MAPKAP1: variants seen among roughly 807,000 people sequenced by gnomAD.
MAPKAP1 encodes target of rapamycin complex 2 subunit MAPKAP1.
A neutral mutation model predicts 65.7 loss-of-function variants in MAPKAP1; 20 were observed. The ratio of observed to expected loss-of-function variants is 0.30; its 90% CI spans 0.21 to 0.44. The LOEUF (loss-of-function observed/expected upper bound fraction) is 0.44. Ranked by LOEUF, MAPKAP1 falls within the 20% of genes least tolerant of loss-of-function variation. The probability of loss-of-function intolerance (pLI) is 1.00; values close to 1 mark genes in which losing one functional copy is unlikely to be tolerated. For synonymous variants in MAPKAP1, 222 were observed against 244.3 expected (o/e 0.91, Z 0.85); for missense variants, 423 against 648.0 (o/e 0.65, Z 3.77).
Position 125,580,650 on chromosome 9 carries a change from G to A in MAPKAP1, c.671+4905C>T, listed in dbSNP as rs144479721. On this transcript the variant is annotated intron_variant, in intron 5 of 11. Coordinates refer to ENST00000265960, the MANE Select transcript of MAPKAP1 (RefSeq NM_001006617.3). ...GTATACATATGTAACAAACCTGCAC[G>A]TTGTGCACATGTACCCTAGAACTTA... 4.3e-3 allele frequency among the ~76,000 whole-genome samples: 649 copies of A among 151,012 alleles called. 6 individuals are homozygous for A. Among genetic ancestry groups the A allele is most frequent in the African/African-American group, 0.015 (606 of 41,162 alleles).
intron 1 of MAPKAP1, among the ~76,000 whole-genome samples, chr9:125,693,768 TACAC>T (rs1835289480): frequency 6.7e-6 from 1 of 149,906 alleles, no homozygotes; most frequent in Non-Finnish European, 1.5e-5. Context: ...TACACGTATA[TACAC>T]ATATATACAC....
rs539302627 is a variant in MAPKAP1, at chr9:125,672,389, C to T, written c.186G>A (p.Gln62=). 1.2e-6 allele frequency: 2 copies of T among 1,614,212 alleles called. No individual in the cohort carries two copies. Among genetic ancestry groups the T allele is most frequent in the Admixed American group, 1.7e-5 (1 of 60,020 alleles). The change falls in exon 2 of 12, where the codon CAG becomes CAA. Residue 62 remains glutamine, a synonymous_variant. Transcript: ENST00000265960. ...SEIQGSNGET[Q]GYVYAQSVDI... is the part of the protein sequence containing the mutation. ...CGACTGACTGGGCATATACATAGCC[C>T]TGAGTCTCACCATTGCTTCCCTGAA...
At chr9:125,551,108 A>G (rs1830571518) in intron 6 of MAPKAP1, among the ~76,000 whole-genome samples, 1 of 152,202 alleles carries the variant, frequency 6.6e-6, no homozygotes, top group African/African-American at 2.4e-5. Context: ...TAAATGATAA[A>G]AAAAGAAATA....
chr9:125,650,124 C>G (rs1245397946), intron 4 of MAPKAP1, among the ~76,000 whole-genome samples: 1 of 152,206 alleles, frequency 6.6e-6, no homozygotes, highest in Non-Finnish European at 1.5e-5. Context: ...CTCTCGAATT[C>G]ATTCACTCCA....
chr9:125,488,295 G>T (rs1332981517), intron 8 of MAPKAP1, among the ~76,000 whole-genome samples: 2 of 152,176 alleles, frequency 1.3e-5, no homozygotes, highest in Non-Finnish European at 2.9e-5. Flanking sequence ...AATTCACGCT[G>T]CTCACTCCAA....
At chr9:125,627,085 C>T (rs1833139277) in intron 4 of MAPKAP1, among the ~76,000 whole-genome samples, 1 of 152,152 alleles carries the variant, frequency 6.6e-6, no homozygotes, top group African/African-American at 2.4e-5. Context: ...GCCAACAAAA[C>T]TGTAGGTGCA....
chr9:125,456,112 A>G (rs1165937676), intron 10 of MAPKAP1, among the ~76,000 whole-genome samples: 1 of 151,650 alleles, frequency 6.6e-6, no homozygotes, highest in Non-Finnish European at 1.5e-5. Flanking sequence ...GAAGTCAGCA[A>G]CTATTCTTAT....
At chr9:125,702,368 C>A (rs1318958112) in intron 1 of MAPKAP1, among the ~76,000 whole-genome samples, 1 of 152,046 alleles carries the variant, frequency 6.6e-6, no homozygotes, top group Non-Finnish European at 1.5e-5. Flanking sequence ...AACCCCGCCT[C>A]TACTAAAAAT....
At chr9:125,662,055 T>C (rs1162577500) in intron 3 of MAPKAP1, among the ~76,000 whole-genome samples, 1 of 152,144 alleles carries the variant, frequency 6.6e-6, no homozygotes, top group Non-Finnish European at 1.5e-5. Flanking sequence ...TAGGGAAATA[T>C]GAACGATAAT....
rs1235654020 is a variant in MAPKAP1 at position 125,473,655 on chromosome 9, G to A, written c.1208-5546C>T. ...TAGCTAACCAAGATTTCCATAAAAG[G>A]AAATTAGCACCGCGTAGCATCTTCT... On this transcript the variant is annotated intron_variant, in intron 9 of 11. Transcript: ENST00000265960. Among the ~76,000 whole-genome samples, 3 of 152,180 alleles carry A rather than the reference G, an allele frequency of 2.0e-5. No individual in the cohort carries two copies. The East Asian group carries it at 5.8e-4, about 29-fold the overall frequency.
At chr9:125,691,418 A>C (rs1564618898) in intron 1 of MAPKAP1, among the ~76,000 whole-genome samples, 1 of 152,302 alleles carries the variant, frequency 6.6e-6, no homozygotes, top group South Asian at 2.1e-4. Flanking sequence ...TAGTGGGGAG[A>C]TGAGGAGTTA....
At position 125,652,142 on chromosome 9, in the gene MAPKAP1, G is replaced by C. The variant is rs555075033; in HGVS notation, c.498+5509C>G. The C allele has an allele frequency of 4.6e-6, 6 of 1,306,170 alleles. No individual in the cohort carries two copies. In the African/African-American group the frequency reaches 7.5e-5, roughly 16 times the overall value. The allele number at this position is 1,306,170 out of a possible 1,614,324, so 80.9% of individuals were successfully genotyped here. On this transcript the variant is annotated intron_variant, in intron 4 of 11. Transcript: ENST00000265960. Reference sequence around the variant, plus strand: ...CTTTTCTGAGTTTGCAACATTTCTCGGTGGCTTCATGCTTTTCTGCAAAGT... The same window carrying C: ...CTTTTCTGAGTTTGCAACATTTCTCCGTGGCTTCATGCTTTTCTGCAAAGT...
At chr9:125,686,337 GAAAAAGA>G (rs1834975133) in intron 1 of MAPKAP1, among the ~76,000 whole-genome samples, 1 of 147,708 alleles carries the variant, frequency 6.8e-6, no homozygotes. Flanking sequence ...AAAAGAAAAA[GAAAAAGA>G]AAAAAGAATA....
chr9:125,590,328 C>G (rs940177629), intron 4 of MAPKAP1, among the ~76,000 whole-genome samples: 1 of 152,150 alleles, frequency 6.6e-6, no homozygotes, highest in African/African-American at 2.4e-5. Flanking sequence ...ACTGCAGGAA[C>G]ACTAATAATA....
chr9:125,526,228 T>A (rs1329881794), intron 7 of MAPKAP1, among the ~76,000 whole-genome samples: 1 of 152,240 alleles, frequency 6.6e-6, no homozygotes, highest in African/African-American at 2.4e-5. Context: ...TGACCTCTTC[T>A]GTACCTCTCC....
chr9:125,642,239 A>G (rs983012265), intron 4 of MAPKAP1, among the ~76,000 whole-genome samples: 2 of 152,110 alleles, frequency 1.3e-5, no homozygotes, highest in African/African-American at 4.8e-5. Context: ...AAAAAGAAAA[A>G]AAAAATTAAA....
intron 7 of MAPKAP1, among the ~76,000 whole-genome samples, chr9:125,520,979 C>T (rs1482260638): frequency 2.0e-5 from 3 of 152,210 alleles, no homozygotes; most frequent in Non-Finnish European, 4.4e-5. Context: ...GGTCCATCTT[C>T]AGTAGCCACC....
intron 1 of MAPKAP1, among the ~76,000 whole-genome samples, chr9:125,693,836 T>TACACACACAC (rs375290028): frequency 0.038 from 4,554 of 119,368 alleles, 172 homozygotes; most frequent in Non-Finnish European, 0.047. Context: ...CACACATATA[T>TACACACACAC]ATACACACAT....
At chr9:125,555,888 C>G (rs1213666427) in intron 6 of MAPKAP1, among the ~76,000 whole-genome samples, 1 of 152,178 alleles carries the variant, frequency 6.6e-6, no homozygotes, top group Non-Finnish European at 1.5e-5. Context: ...CACCTAAACA[C>G]TACCCCTCCT....
Sources: gnomAD v4.1 joint callset for allele counts (sites outside exome capture counted in the v4.1 genomes callset) on GRCh38, gnomAD v4.1.1 for gene constraint, MANE v1.5 for transcripts, NCBI Gene and HGNC (gene_info 2026-07-23, HGNC 2026-07-21) for gene names.